The following MGA variants were observed in gnomAD, a reference collection of about 807,000 sequenced individuals.
MGA encodes the protein MAX dimerization protein MGA, also known as MAX gene-associated protein.
Under a neutral mutation model 261.1 loss-of-function variants are expected in MGA, and 40 were observed. The ratio of observed to expected loss-of-function variants is 0.15; its 90% CI spans 0.12 to 0.20. The LOEUF is 0.20. MGA is among the 10% of genes least tolerant of loss of function. The probability of loss-of-function intolerance (pLI) is 1.00; values close to 1 mark genes in which losing one functional copy is unlikely to be tolerated. For synonymous variants in MGA, 1,302 were observed against 1,290.6 expected (o/e 1.01, Z -0.19); for missense variants, 3,397 against 3,630.5 (o/e 0.94, Z 1.65).
At chr15:41,629,319 TG>T (rs2056537262) in intron 1 of MGA, among the ~76,000 whole-genome samples, 1 of 152,028 alleles carries the variant, frequency 6.6e-6, no homozygotes, top group Non-Finnish European at 1.5e-5. Flanking sequence ...CTGGAGCCAG[TG>T]GTGCCATTTA....
chr15:41,739,770 A>G, intron 13 of MGA, 136 bp from the exon 14 acceptor site: 6 of 799,994 alleles, frequency 7.5e-6, no homozygotes, highest in Non-Finnish European at 1.1e-5. Context: ...CTAAATGGAA[A>G]AAGTCTACTT....
intron 1 of MGA, among the ~76,000 whole-genome samples, chr15:41,623,414 A>G (rs1030629543): frequency 2.0e-5 from 3 of 152,208 alleles, no homozygotes; most frequent in African/African-American, 7.2e-5. Context: ...TGGAACAATC[A>G]ACTGTTTGGA....
intron 2 of MGA, among the ~76,000 whole-genome samples, chr15:41,689,388 TTTTC>T (rs2059143712): frequency 1.3e-5 from 2 of 149,068 alleles, no homozygotes; most frequent in Admixed American, 6.7e-5. Context: ...CCTTCTCTCC[TTTTC>T]TTTCTCTCTC....
intron 5 of MGA, among the ~76,000 whole-genome samples, chr15:41,703,862 G>A (rs2059977714): frequency 1.3e-5 from 2 of 152,214 alleles, no homozygotes; most frequent in African/African-American, 4.8e-5. Flanking sequence ...CTAGGCTATA[G>A]TGCAGTGATG....
chr15:41,670,198 G>A lies in MGA; in HGVS notation c.1064+240G>A, dbSNP rs139329902. Reference sequence around the variant, plus strand: ...GATAACTTATCAGAATTATTCATATGTATTTAGAATGTTCCTTGATATCCT... The same window carrying A: ...GATAACTTATCAGAATTATTCATATATATTTAGAATGTTCCTTGATATCCT... On this transcript the variant is annotated intron_variant, in intron 2 of 23. Transcript: ENST00000219905. Among the ~76,000 whole-genome samples, 4 of 152,246 alleles carry A rather than the reference G, an allele frequency of 2.6e-5. No individual in the cohort carries two copies. The East Asian group carries it at 5.8e-4, about 22-fold the overall frequency.
chr15:41,646,733 G>A (rs1262437693), intron 1 of MGA, among the ~76,000 whole-genome samples: 3 of 151,482 alleles, frequency 2.0e-5, no homozygotes, highest in African/African-American at 7.3e-5. Context: ...GAAAAAATGC[G>A]TTTTTTGACT....
intron 9 of MGA, among the ~76,000 whole-genome samples, chr15:41,725,834 C>CAAAAA (rs1204528358): frequency 6.6e-4 from 6 of 9,032 alleles, no homozygotes; most frequent in Non-Finnish European, 8.0e-4. Flanking sequence ...GACTCCGTCT[C>CAAAAA]AAAAAAAAAA....
rs16972058 is a variant in MGA at position 41,765,172 on chromosome 15, T to C, written c.7921+110T>C. Reference sequence around the variant, plus strand: ...TCTGTAATGATAAAGAGCTATTCTGTTGGCATTTGCCTTGGTAAGAGGTGG... The same window carrying C: ...TCTGTAATGATAAAGAGCTATTCTGCTGGCATTTGCCTTGGTAAGAGGTGG... On this transcript the variant is annotated intron_variant, in intron 23 of 23. Coordinates refer to ENST00000219905, the MANE Select transcript of MGA (RefSeq NM_001164273.2). 7.6e-3 allele frequency: 9,693 copies of C among 1,280,910 alleles called. 632 individuals are homozygous for C. In the African/African-American group the frequency reaches 0.13, roughly 17 times the overall value. The allele number at this position is 1,280,910 out of a possible 1,614,324, so 79.3% of individuals were successfully genotyped here. A position where few individuals can be genotyped will look rare whatever the true frequency, so the allele number is the denominator to read the frequency against.
At chr15:41,702,266 T>C in intron 5 of MGA, among the ~76,000 whole-genome samples, 1 of 149,684 alleles carries the variant, frequency 6.7e-6, no homozygotes, top group East Asian at 1.9e-4. Context: ...GAGCTTGCAG[T>C]GAGCCGAGAT....
intron 1 of MGA, among the ~76,000 whole-genome samples, chr15:41,624,714 C>A (rs2056403523): frequency 6.6e-6 from 1 of 152,184 alleles, no homozygotes; most frequent in South Asian, 2.1e-4. Flanking sequence ...AGGTTTTCTT[C>A]CCATCTCGGC....
At chr15:41,632,836 G>C (rs904337813) in intron 1 of MGA, among the ~76,000 whole-genome samples, 14 of 150,992 alleles carry the variant, frequency 9.3e-5, no homozygotes, top group African/African-American at 3.4e-4. Context: ...AATGGGCAGA[G>C]AGCCCATTTG....
At chr15:41,732,306 C>A (rs2151746510) in intron 11 of MGA, among the ~76,000 whole-genome samples, 1 of 152,222 alleles carries the variant, frequency 6.6e-6, no homozygotes, top group Admixed American at 6.5e-5. Flanking sequence ...CGCCACCACG[C>A]CCGGCTAATT....
intron 15 of MGA, among the ~76,000 whole-genome samples, chr15:41,745,592 A>G (rs2062414189): frequency 7.0e-6 from 1 of 141,864 alleles, no homozygotes; most frequent in South Asian, 2.4e-4. Context: ...TTTTTATTTA[A>G]AAAAAATATA....
At chr15:41,741,299 A>G (rs2062079482) in intron 14 of MGA, among the ~76,000 whole-genome samples, 1 of 137,764 alleles carries the variant, frequency 7.3e-6, no homozygotes, top group Non-Finnish European at 1.5e-5. Context: ...GTAATCCGAA[A>G]TCGTGCCACT....
chr15:41,734,532 C>T lies in MGA; in HGVS notation c.3854C>T (p.Ser1285Phe), dbSNP rs376993513. The T allele has an allele frequency of 5.0e-6, 8 of 1,608,000 alleles. No homozygotes were observed. The African/African-American group carries it at 1.1e-4, about 22-fold the overall frequency. Residue 1285 changes from serine (S) to phenylalanine (F), a missense_variant, in exon 12 of 24, where the codon TCT becomes TTT. Ser to Phe is a radical substitution (Grantham distance 155). This residue lies in a region of MGA where 1,410 missense variants were observed against 1,386.4 expected (regional missense o/e 1.02). Transcript: ENST00000219905. ...TACTGTCTCCTTCAGGAACCTGATT[C>T]TGAACAGCAGCCCTTAAAACAACTC...
rs1320801487 is a variant in MGA at position 41,749,870 on chromosome 15, C to T, written c.6263C>T (p.Thr2088Ile). ...AAAGTGGCTGTTCTGGAAGTTAGGA[C>T]CATTTCTGAAAAAGCCAGTAATAAG... The change falls in exon 17 of 24, where the codon ACC becomes ATC. Residue 2088 changes from threonine (T) to isoleucine (I), a missense_variant. This residue lies in a region of MGA where 1,410 missense variants were observed against 1,386.4 expected (regional missense o/e 1.02). Transcript: ENST00000219905. The T allele has an allele frequency of 1.9e-6, 3 of 1,613,756 alleles. No individual in the cohort carries two copies. In the African/African-American group the frequency reaches 4.0e-5, roughly 22 times the overall value.
At chr15:41,697,642 C>T (rs564659887) in intron 3 of MGA, among the ~76,000 whole-genome samples, 8 of 152,256 alleles carry the variant, frequency 5.3e-5, no homozygotes, top group African/African-American at 1.9e-4. Context: ...TTTCTAACTT[C>T]TGGCCTCCAG....
chr15:41,731,242 T>C (rs1009412015), intron 11 of MGA, among the ~76,000 whole-genome samples: 1 of 152,110 alleles, frequency 6.6e-6, no homozygotes, highest in African/African-American at 2.4e-5. Context: ...TAATTATAAG[T>C]TGTAATTTCA....
intron 10 of MGA, 37 bp from the exon 11 acceptor site, chr15:41,729,127 C>T: frequency 1.3e-6 from 2 of 1,587,968 alleles, no homozygotes; most frequent in Admixed American, 1.8e-5. Flanking sequence ...GGAGTTTTTC[C>T]CACTGTATGG....
Sources: allele counts gnomAD v4.1 joint callset (sites outside exome capture counted in the v4.1 genomes callset), GRCh38; gene constraint gnomAD v4.1.1; regional missense constraint gnomAD v4.1.1; transcripts MANE v1.5; gene names NCBI Gene and HGNC (gene_info 2026-07-23, HGNC 2026-07-21).